The following SASH1 variants were observed in gnomAD, a reference collection of about 807,000 sequenced individuals.
SASH1 encodes SAM and SH3 domain-containing protein 1.
A neutral mutation model predicts 125.2 loss-of-function variants in SASH1; 44 were observed. That is an observed-to-expected ratio of 0.35 (90% CI 0.28 to 0.45). SASH1 has a LOEUF of 0.45. Among genes scored for constraint, SASH1 ranks in the 20% least tolerant of loss-of-function variants. SASH1 has a pLI of 1.00. For synonymous variants in SASH1, 639 were observed against 649.1 expected, an observed-to-expected ratio of 0.98 and a Z score of 0.24; for missense variants, 1,426 against 1,614.5, an observed-to-expected ratio of 0.88 and a Z score of 2.00.
intron 1 of SASH1, among the ~76,000 whole-genome samples, chr6:148,301,237 A>T: frequency 6.6e-6 from 1 of 151,262 alleles, no homozygotes. Context: ...GATGCAGGAG[A>T]ATCACTTGAA....
chr6:148,328,435 A>G (rs530735826), intron 1 of SASH1, among the ~76,000 whole-genome samples: 2 of 152,230 alleles, frequency 1.3e-5, no homozygotes, highest in African/African-American at 4.8e-5. Context: ...TCTACTAAAA[A>G]TACAAAAATT....
intron 1 of SASH1, among the ~76,000 whole-genome samples, chr6:148,352,334 A>G (rs1220089109): frequency 1.3e-5 from 2 of 152,210 alleles, no homozygotes; most frequent in African/African-American, 4.8e-5. Flanking sequence ...TTGGTGGCTC[A>G]CGCCTGTAAT....
At chr6:148,416,933 G>T (rs1366069334) in intron 2 of SASH1, among the ~76,000 whole-genome samples, 1 of 152,178 alleles carries the variant, frequency 6.6e-6, no homozygotes, top group East Asian at 1.9e-4. Flanking sequence ...CCAGTAGGTA[G>T]TTGAAGTCTG....
intron 2 of SASH1, among the ~76,000 whole-genome samples, chr6:148,429,115 T>G (rs77077580): frequency 0.019 from 2,837 of 152,088 alleles, 89 homozygotes; most frequent in African/African-American, 0.065. Flanking sequence ...TTGTAGATCT[T>G]AAATATTTGT....
intron 4 of SASH1, among the ~76,000 whole-genome samples, chr6:148,461,160 T>C (rs1777597318): frequency 1.3e-5 from 2 of 152,206 alleles, no homozygotes; most frequent in African/African-American, 4.8e-5. Context: ...CAACTGCACT[T>C]AGAAAGACAG....
At chr6:148,233,633 G>A in the SASH1 span, among the ~76,000 whole-genome samples, 3 of 149,818 alleles carry the variant, frequency 2.0e-5, no homozygotes, top group Non-Finnish European at 2.9e-5. Flanking sequence ...AGGGGCTCAC[G>A]CCTGTAATCG....
At chr6:148,347,346 C>A (rs951163047) in intron 1 of SASH1, among the ~76,000 whole-genome samples, 1 of 152,190 alleles carries the variant, frequency 6.6e-6, no homozygotes, top group African/African-American at 2.4e-5. Flanking sequence ...CATTTCCCAG[C>A]ATGTTTAAAA....
intron 1 of SASH1, among the ~76,000 whole-genome samples, chr6:148,382,801 G>A (rs1371162781): frequency 6.6e-6 from 1 of 152,192 alleles, no homozygotes; most frequent in Non-Finnish European, 1.5e-5. Flanking sequence ...CATGGGTGCT[G>A]GCAGGTTTTG....
At chr6:148,207,891 A>C in the SASH1 span, among the ~76,000 whole-genome samples, 1 of 152,320 alleles carries the variant, frequency 6.6e-6, no homozygotes, top group East Asian at 1.9e-4. Context: ...TTTAGTATTC[A>C]AGTCTGTGAA....
rs982187475 is a variant in SASH1 at position 148,544,211 on chromosome 6, C to T, written c.2741C>T (p.Ser914Leu). Reference protein sequence around the residue: ...QKLTTKKLEGSIAASGRGLSP... With the variant: ...QKLTTKKLEGLIAASGRGLSP... ...TTGACAACTAAGAAACTGGAGGGCT[C>T]AATCGCAGCCTCTGGTCGCGGCCTG... Residue 914 changes from serine (S) to leucine (L), a missense_variant, in exon 18 of 20, where the codon TCA becomes TTA. Transcript: ENST00000367467. The surrounding 1 kb of genome is among the most constrained non-coding windows in gnomAD (Gnocchi z 6.4). 3 of 1,614,140 alleles carry T rather than the reference C, an allele frequency of 1.9e-6. No individual in the cohort carries two copies. The highest frequency in any genetic ancestry group is 2.5e-6 in the Non-Finnish European group (3 of 1,180,040).
chr6:148,273,508 G>T (rs1358785054), intron 1 of SASH1, among the ~76,000 whole-genome samples: 1 of 151,616 alleles, frequency 6.6e-6, no homozygotes, highest in Non-Finnish European at 1.5e-5. Context: ...TGACCAGGCT[G>T]GTCTTGAACT....
chr6:148,255,965 G>A, the SASH1 span, among the ~76,000 whole-genome samples: 1 of 151,248 alleles, frequency 6.6e-6, no homozygotes, highest in East Asian at 1.9e-4. Context: ...TAGATAAGAT[G>A]TATTTAAACA....
At chr6:148,451,924 A>C (rs1777118356) in intron 4 of SASH1, among the ~76,000 whole-genome samples, 2 of 151,950 alleles carry the variant, frequency 1.3e-5, no homozygotes, top group Non-Finnish European at 2.9e-5. Context: ...GTTTTCCCCC[A>C]GGGAGCATGT....
chr6:148,532,664 G>C lies in SASH1; in HGVS notation c.1565-133G>C. ...CATAACTGGGCCCTGCCCTGGTCCT[G>C]ACAGAGGGTTGTGGCTCAAGGCTTC... On this transcript the variant is annotated intron_variant, in intron 13 of 19. Transcript: ENST00000367467. This position sits in a 1 kb window ranked among gnomAD's most constrained non-coding sequence, Gnocchi z 4.7. 9.5e-7 allele frequency: 1 copy of C among 1,047,820 alleles called. No homozygotes were observed. The highest frequency in any genetic ancestry group is 2.0e-5 in the Admixed American group (1 of 49,454). 64.9% of individuals were successfully genotyped at this position (1,047,820 alleles called of 1,614,324 possible). A position where few individuals can be genotyped will look rare whatever the true frequency, so the allele number is the denominator to read the frequency against.
chr6:148,537,310 T>C (rs1781907460), intron 16 of SASH1, among the ~76,000 whole-genome samples: 1 of 152,074 alleles, frequency 6.6e-6, no homozygotes, highest in African/African-American at 2.4e-5. Context: ...TCATATAGGG[T>C]TCCATTGGGA....
chr6:148,318,621 T>C (rs4314516), intron 1 of SASH1, among the ~76,000 whole-genome samples: 118,578 of 146,918 alleles, frequency 0.81, 46,724 homozygotes, highest in Middle Eastern at 0.9. Context: ...GGCATGATCT[T>C]GGCTCACTGC....
intron 2 of SASH1, among the ~76,000 whole-genome samples, chr6:148,404,346 CAA>C (rs1387698992): frequency 6.6e-6 from 1 of 151,814 alleles, no homozygotes; most frequent in Admixed American, 6.6e-5. Context: ...TTTGATAAGA[CAA>C]AAGTCTTTCA....
the SASH1 span, among the ~76,000 whole-genome samples, chr6:148,259,584 G>A: frequency 2.6e-5 from 4 of 152,186 alleles, no homozygotes; most frequent in Admixed American, 1.3e-4. Context: ...CCCCGGGAAG[G>A]CAGGGCTAGG....
At chr6:148,254,610 C>T in the SASH1 span, among the ~76,000 whole-genome samples, 4 of 152,128 alleles carry the variant, frequency 2.6e-5, no homozygotes, top group African/African-American at 9.7e-5. Context: ...CTTAACATCA[C>T]TAGTTATTGG....
Sources: allele counts gnomAD v4.1 joint callset (sites outside exome capture counted in the v4.1 genomes callset), GRCh38; gene constraint gnomAD v4.1.1; non-coding constraint Gnocchi (gnomAD v3.1); transcripts MANE v1.5; gene names NCBI Gene and HGNC (gene_info 2026-07-23, HGNC 2026-07-21).